RERG: variants seen among roughly 807,000 people sequenced by gnomAD.
RERG encodes RAS like estrogen regulated growth inhibitor.
In RERG, 25 loss-of-function variants were observed where a neutral mutation model predicts 23.2. The ratio of observed to expected loss-of-function variants is 1.08; its 90% CI spans 0.79 to 1.50. The LOEUF (loss-of-function observed/expected upper bound fraction) is 1.50. RERG is among the 40% of genes most tolerant of loss of function. The pLI is 0.00. For missense variants in RERG, 253 were observed against 250.1 expected (o/e 1.01, Z -0.08); for synonymous variants, 81 against 89.1 (o/e 0.91, Z 0.51).
intron 1 of RERG, among the ~76,000 whole-genome samples, chr12:15,220,088 A>G (rs972712577): frequency 1.3e-5 from 2 of 152,250 alleles, no homozygotes; most frequent in Non-Finnish European, 1.5e-5. Context: ...AAGATAGAAA[A>G]CAAAAATAAA....
intron 2 of RERG, among the ~76,000 whole-genome samples, chr12:15,178,443 G>C (rs2136127229): frequency 6.6e-6 from 1 of 152,222 alleles, no homozygotes; most frequent in South Asian, 2.1e-4. Context: ...ACTATCTAGG[G>C]AGAAGTCCAA....
chr12:15,119,510 T>C (rs1413876475), intron 3 of RERG, among the ~76,000 whole-genome samples: 3 of 152,150 alleles, frequency 2.0e-5, no homozygotes, highest in Admixed American at 1.3e-4. Flanking sequence ...AGATAATCTA[T>C]GTAAAACTTA....
intron 2 of RERG, among the ~76,000 whole-genome samples, chr12:15,215,872 T>C (rs577419692): frequency 3.0e-4 from 45 of 152,314 alleles, no homozygotes; most frequent in Non-Finnish European, 5.4e-4. Context: ...GGGAAACGGA[T>C]GGACGCACGT....
Position 15,217,556 on chromosome 12 carries a change from G to C in RERG, c.-67C>G. On this transcript the variant is annotated 5_prime_UTR_variant, in exon 2 of 5. Coordinates refer to ENST00000256953, the MANE Select transcript of RERG (RefSeq NM_032918.3). ...CACTGAGTAAATCTTTTTGGTTCCA[G>C]TCTTTGGATTCACCATATCATTGTG... The C allele has an allele frequency of 1.8e-6, 2 of 1,115,732 alleles. No homozygotes were observed. Among genetic ancestry groups the C allele is most frequent in the Non-Finnish European group, 2.8e-6 (2 of 726,382 alleles). The allele number at this position is 1,115,732 out of a possible 1,614,324, so 69.1% of individuals were successfully genotyped here.
intron 2 of RERG, among the ~76,000 whole-genome samples, chr12:15,165,362 A>C (rs1864672639): frequency 6.6e-6 from 1 of 152,252 alleles, no homozygotes; most frequent in African/African-American, 2.4e-5. Context: ...AACTAAAATA[A>C]AGTTGCTCAA....
chr12:15,218,700 T>G (rs1237255214), intron 1 of RERG, among the ~76,000 whole-genome samples: 1 of 151,960 alleles, frequency 6.6e-6, no homozygotes, highest in East Asian at 1.9e-4. Context: ...CTCAGAACCG[T>G]TCAAGGATCC....
chr12:15,126,128 C>T (rs867701642), intron 2 of RERG, among the ~76,000 whole-genome samples: 25 of 89,078 alleles, frequency 2.8e-4, no homozygotes, highest in Admixed American at 7.2e-4. Context: ...TTGTATATAC[C>T]ATATATATAT....
chr12:15,166,247 C>A (rs1292296243), intron 2 of RERG, among the ~76,000 whole-genome samples: 1 of 152,192 alleles, frequency 6.6e-6, no homozygotes, highest in African/African-American at 2.4e-5. Context: ...AGGGTTTCTT[C>A]TAGATTGAAA....
intron 3 of RERG, among the ~76,000 whole-genome samples, chr12:15,119,314 C>A: frequency 6.6e-6 from 1 of 151,676 alleles, no homozygotes; most frequent in African/African-American, 2.4e-5. Context: ...ATGAATAAAA[C>A]AAAAGAGAAA....
intron 3 of RERG, among the ~76,000 whole-genome samples, chr12:15,120,406 G>T (rs1863809426): frequency 6.6e-6 from 1 of 151,680 alleles, no homozygotes; most frequent in African/African-American, 2.4e-5. Flanking sequence ...AACATTTGTA[G>T]AATGAATGAA....
intron 2 of RERG, among the ~76,000 whole-genome samples, chr12:15,177,549 T>A (rs1462988393): frequency 6.6e-6 from 1 of 152,206 alleles, no homozygotes; most frequent in Non-Finnish European, 1.5e-5. Flanking sequence ...TACCATTGCT[T>A]AATAGAATAC....
intron 2 of RERG, among the ~76,000 whole-genome samples, chr12:15,156,258 C>T (rs1864520798): frequency 6.6e-6 from 1 of 152,158 alleles, no homozygotes; most frequent in South Asian, 2.1e-4. Context: ...TTTGTTTCTA[C>T]ATTCATCATG....
At chr12:15,183,293 GAT>G (rs1351561536) in intron 2 of RERG, among the ~76,000 whole-genome samples, 5 of 152,136 alleles carry the variant, frequency 3.3e-5, no homozygotes, top group African/African-American at 1.2e-4. Flanking sequence ...AAATCTCTGA[GAT>G]ACGTGGGCAA....
At chr12:15,176,747 G>T (rs1414992247) in intron 2 of RERG, among the ~76,000 whole-genome samples, 1 of 152,114 alleles carries the variant, frequency 6.6e-6, no homozygotes, top group East Asian at 1.9e-4. Context: ...AAATTTACTT[G>T]TTATTTTATT....
intron 2 of RERG, among the ~76,000 whole-genome samples, chr12:15,209,196 G>A (rs538714727): frequency 2.0e-4 from 31 of 152,136 alleles, no homozygotes; most frequent in Non-Finnish European, 4.1e-4. Flanking sequence ...GGAAAAAATG[G>A]ATGAAGATCA....
At chr12:15,176,628 T>C (rs899556920) in intron 2 of RERG, among the ~76,000 whole-genome samples, 6 of 152,126 alleles carry the variant, frequency 3.9e-5, no homozygotes, top group African/African-American at 1.4e-4. Context: ...ATAATAGAAA[T>C]TGCAAGATAA....
chr12:15,111,820 T>C (rs1455213257), intron 3 of RERG, among the ~76,000 whole-genome samples: 3 of 151,672 alleles, frequency 2.0e-5, no homozygotes, highest in East Asian at 3.9e-4. Flanking sequence ...GGATTACAGG[T>C]GCCTTCCACA....
intron 2 of RERG, among the ~76,000 whole-genome samples, chr12:15,150,532 C>A (rs1161867545): frequency 6.6e-6 from 1 of 152,148 alleles, no homozygotes; most frequent in Non-Finnish European, 1.5e-5. Context: ...TCTAATATAT[C>A]ATCGTAATAT....
intron 2 of RERG, among the ~76,000 whole-genome samples, chr12:15,178,788 C>T (rs1864886347): frequency 6.6e-6 from 1 of 152,110 alleles, no homozygotes; most frequent in African/African-American, 2.4e-5. Context: ...CAATAAAAGA[C>T]CATCTCGTTA....
Sources: allele counts gnomAD v4.1 joint callset (sites outside exome capture counted in the v4.1 genomes callset), GRCh38; gene constraint gnomAD v4.1.1; transcripts MANE v1.5; gene names NCBI Gene and HGNC (gene_info 2026-07-23, HGNC 2026-07-21).